Variants in ASCC1 observed in about 807,000 individuals in gnomAD.
The protein encoded by ASCC1 is activating signal cointegrator 1 complex subunit 1.
Under a neutral mutation model 46.6 loss-of-function variants are expected in ASCC1, and 35 were observed. The observed-to-expected ratio is 0.75, with a 90% CI of 0.57 to 0.99. The LOEUF is 0.99. Among genes scored for constraint, ASCC1 ranks in the 50% least tolerant of loss-of-function variants. The pLI is 0.00. For synonymous variants in ASCC1, 143 were observed against 146.6 expected (o/e 0.98, Z 0.18); for missense variants, 376 against 428.7 (o/e 0.88, Z 1.09).
intron 9 of ASCC1, chr10:72,102,766 G>A (rs919009294): frequency 1.1e-5 from 4 of 350,350 alleles, no homozygotes; most frequent in Admixed American, 8.0e-5. Flanking sequence ...TCTGAGGTCA[G>A]GAGCTCAAGA....
intron 9 of ASCC1, among the ~76,000 whole-genome samples, chr10:72,125,632 C>T (rs1321596721): frequency 6.6e-6 from 1 of 152,100 alleles, no homozygotes; most frequent in Non-Finnish European, 1.5e-5. Flanking sequence ...TGGGAGGTAA[C>T]TGTTGGAGCC....
intron 9 of ASCC1, among the ~76,000 whole-genome samples, chr10:72,106,626 T>C (rs769368179): frequency 1.3e-5 from 2 of 152,236 alleles, no homozygotes; most frequent in Non-Finnish European, 2.9e-5. Context: ...GGCTGACAAG[T>C]ACTTTGAGCT....
chr10:72,107,863 T>A (rs1842515628), intron 9 of ASCC1, among the ~76,000 whole-genome samples: 1 of 152,196 alleles, frequency 6.6e-6, no homozygotes, highest in Non-Finnish European at 1.5e-5. Flanking sequence ...GTAACTGTTG[T>A]TTTTCTGATT....
chr10:72,100,229 CT>C (rs112663918), intron 9 of ASCC1, among the ~76,000 whole-genome samples: 3,970 of 143,134 alleles, frequency 0.028, 111 homozygotes, highest in African/African-American at 0.079. Flanking sequence ...ATTGTTATAT[CT>C]TTTTTTTTTT....
intron 4 of ASCC1, among the ~76,000 whole-genome samples, chr10:72,199,521 C>T (rs1260220716): frequency 2.6e-5 from 4 of 152,080 alleles, no homozygotes; most frequent in Non-Finnish European, 5.9e-5. Flanking sequence ...TGGTCTCAAA[C>T]TCCTGACTTT....
intron 5 of ASCC1, among the ~76,000 whole-genome samples, chr10:72,188,007 T>G (rs1007909543): frequency 6.6e-6 from 1 of 151,970 alleles, no homozygotes; most frequent in Admixed American, 6.6e-5. Context: ...TCAGGCCATC[T>G]CTTGTATGTG....
upstream of ASCC1, among the ~76,000 whole-genome samples, chr10:72,216,533 C>T (rs1314295491): frequency 1.4e-5 from 2 of 140,356 alleles, no homozygotes; most frequent in South Asian, 2.3e-4. Flanking sequence ...GGGTTGTAAT[C>T]CAGCTGTTTT....
At chr10:72,130,560 A>G (rs887940769) in intron 8 of ASCC1, among the ~76,000 whole-genome samples, 2 of 152,210 alleles carry the variant, frequency 1.3e-5, no homozygotes, top group African/African-American at 4.8e-5. Flanking sequence ...TCCTGTGTTA[A>G]GAGATTAGTT....
rs113206650 is a variant in ASCC1, at chr10:72,117,890, T to G, written c.957+10192A>C. 8.9e-4 allele frequency among the ~76,000 whole-genome samples: 136 copies of G among 152,290 alleles called. 2 individuals are homozygous for G. Among genetic ancestry groups the G allele is most frequent in the African/African-American group, 3.2e-3 (132 of 41,570 alleles). On this transcript the variant is annotated intron_variant, in intron 9 of 9. Coordinates refer to ENST00000672957, the MANE Select transcript of ASCC1 (RefSeq NM_001198800.3). Reference sequence around the variant, plus strand: ...TATCCAGTCATAGAAATATAACGTATTAAAAAAGGCACAAGAGCCATGGTG... The same window carrying G: ...TATCCAGTCATAGAAATATAACGTAGTAAAAAAGGCACAAGAGCCATGGTG...
intron 4 of ASCC1, 21 bp from the exon 5 acceptor site, chr10:72,197,010 GT>G: frequency 6.2e-7 from 1 of 1,613,006 alleles, no homozygotes; most frequent in East Asian, 2.2e-5. Flanking sequence ...AGAAGAAAGG[GT>G]AAACTGCTCA....
intron 5 of ASCC1, among the ~76,000 whole-genome samples, chr10:72,170,653 A>G (rs183777416): frequency 1.2e-3 from 186 of 152,046 alleles, no homozygotes; most frequent in Non-Finnish European, 2.0e-3. Flanking sequence ...GAAATGTTCC[A>G]GATTCAAGGA....
At chr10:72,112,279 T>C (rs530309254) in intron 9 of ASCC1, among the ~76,000 whole-genome samples, 1 of 152,346 alleles carries the variant, frequency 6.6e-6, no homozygotes, top group East Asian at 1.9e-4. Flanking sequence ...TGCTACAACA[T>C]AGGTGAACCT....
At chr10:72,117,570 A>ATGCATATATGTGAG (rs1843640502) in intron 9 of ASCC1, among the ~76,000 whole-genome samples, 1 of 152,194 alleles carries the variant, frequency 6.6e-6, no homozygotes, top group Non-Finnish European at 1.5e-5. Flanking sequence ...TTGATTAAAT[A>ATGCATATATGTGAG]TGCATATATG....
chr10:72,176,720 T>G lies in ASCC1; in HGVS notation c.490-15046A>C, dbSNP rs12253361. 4.2e-3 allele frequency among the ~76,000 whole-genome samples: 636 copies of G among 152,220 alleles called. 10 individuals are homozygous for G. The highest frequency in any genetic ancestry group is 0.014 in the African/African-American group (570 of 41,522). ...CACACAAGAGCTTTCACAACTTGGGTGCCATGTCATTTCCACTCTTAACTC... is the reference window on the plus strand; with the variant it reads ...CACACAAGAGCTTTCACAACTTGGGGGCCATGTCATTTCCACTCTTAACTC... On this transcript the variant is annotated intron_variant, in intron 5 of 9. Coordinates refer to ENST00000672957, the MANE Select transcript of ASCC1 (RefSeq NM_001198800.3).
At chr10:72,160,134 G>A (rs1429515249) in intron 6 of ASCC1, among the ~76,000 whole-genome samples, 3 of 152,076 alleles carry the variant, frequency 2.0e-5, no homozygotes, top group Non-Finnish European at 4.4e-5. Flanking sequence ...TCGATCTCCT[G>A]ACCTCGTCAT....
intron 9 of ASCC1, among the ~76,000 whole-genome samples, chr10:72,120,592 C>CAA (rs756385458): frequency 4.3e-5 from 4 of 92,140 alleles, no homozygotes; most frequent in Admixed American, 1.1e-4. Flanking sequence ...GAATAAAGAC[C>CAA]AAAAAAAAAA....
At chr10:72,211,291 A>G (rs912193109) in intron 2 of ASCC1, among the ~76,000 whole-genome samples, 3 of 152,228 alleles carry the variant, frequency 2.0e-5, no homozygotes, top group Non-Finnish European at 4.4e-5. Flanking sequence ...TGATTAATAA[A>G]CTAAACTTTA....
At chr10:72,171,349 G>A (rs1285089452) in intron 5 of ASCC1, among the ~76,000 whole-genome samples, 1 of 152,076 alleles carries the variant, frequency 6.6e-6, no homozygotes, top group Non-Finnish European at 1.5e-5. Context: ...CTACCTGAAT[G>A]TCTTGGCTCA....
intron 7 of ASCC1, among the ~76,000 whole-genome samples, chr10:72,140,636 C>T (rs1310262046): frequency 6.6e-6 from 1 of 152,016 alleles, no homozygotes; most frequent in Non-Finnish European, 1.5e-5. Context: ...CAATGACTCT[C>T]GGTATTTGCT....
Sources: gnomAD v4.1 joint callset for allele counts (sites outside exome capture counted in the v4.1 genomes callset) on GRCh38, gnomAD v4.1.1 for gene constraint, MANE v1.5 for transcripts, NCBI Gene and HGNC (gene_info 2026-07-23, HGNC 2026-07-21) for gene names.